RPS8: variants seen among roughly 807,000 people sequenced by gnomAD.
RPS8 encodes small ribosomal subunit protein eS8.
For synonymous variants in RPS8, 100 were observed against 100.7 expected, an observed-to-expected ratio of 0.99 and a Z score of 0.04; for missense variants, 141 against 269.7, an observed-to-expected ratio of 0.52 and a Z score of 3.34.
At chr1:44,778,432 A>G (rs1365814556) in intron 5 of RPS8, 144 bp from the exon 6 acceptor site, 1 of 820,060 alleles carries the variant, frequency 1.2e-6, no homozygotes, top group Non-Finnish European at 2.2e-6. Flanking sequence ...ACTGACAGTA[A>G]GTGAAGATAA....
chr1:44,776,969 A>C, intron 3 of RPS8, 195 bp downstream of exon 3: 1 of 511,134 alleles, frequency 2.0e-6, no homozygotes, highest in Non-Finnish European at 3.4e-6. Context: ...AAAAAGATTC[A>C]AGTGCTTTTA....
rs538975415 is a variant in RPS8 at position 44,776,204 on chromosome 1, G to C, written c.111+64G>C. 4.3e-5 allele frequency: 52 copies of C among 1,214,412 alleles called. 1 individual carries two copies. In the South Asian group the frequency reaches 7.0e-4, roughly 16 times the overall value. 75.2% of individuals were successfully genotyped at this position (1,214,412 alleles called of 1,614,324 possible). On this transcript the variant is annotated intron_variant, in intron 2 of 5. Transcript: ENST00000396651. ...CTTCCCCCGCTCTCCAGCGTGCTCG[G>C]GTCTTTCCGTGTGACAGTTGTGCGT...
rs540519197 is a variant in RPS8 at position 44,776,229 on chromosome 1, TTC to T, written c.111+91_111+92del. The T allele has an allele frequency of 2.6e-4, 244 of 934,550 alleles. No individual in the cohort carries two copies. In the African/African-American group the frequency reaches 3.8e-3, roughly 15 times the overall value. The allele number at this position is 934,550 out of a possible 1,614,324, so 57.9% of individuals were successfully genotyped here. On this transcript the variant is annotated intron_variant, in intron 2 of 5. Transcript: ENST00000396651. ...GGTCTTTCCGTGTGACAGTTGTGCGTTCTTTCTTGGGCTCTGATTTCTCTGTA... is the reference window on the plus strand; with the variant it reads ...GGTCTTTCCGTGTGACAGTTGTGCGTTTTCTTGGGCTCTGATTTCTCTGTA...
intron 4 of RPS8, 35 bp from the exon 5 acceptor site, chr1:44,777,964 CT>C: frequency 3.1e-6 from 5 of 1,612,802 alleles, no homozygotes; most frequent in Non-Finnish European, 4.2e-6. Flanking sequence ...GCCTGCCTTC[CT>C]TCCCTGAGCT....
At chr1:44,776,362 A>C in intron 2 of RPS8, 2 of 686,160 alleles carry the variant, frequency 2.9e-6, no homozygotes, top group Non-Finnish European at 5.2e-6. Context: ...TTCAGAGAGA[A>C]GGATACTGTG....
rs185950973 is a variant in RPS8, at chr1:44,777,513, T to A, written c.212-101T>A. ...TGGCTTGTAAAGGCTGAGAGTTCCC[T>A]TATTTCTCCTTAAGGCCTCATGGGG... On this transcript the variant is annotated intron_variant, in intron 3 of 5. Transcript: ENST00000396651. 4.3e-4 allele frequency: 393 copies of A among 920,090 alleles called. 1 individual carries two copies. In the African/African-American group the frequency reaches 5.5e-3, roughly 13 times the overall value. The allele number at this position is 920,090 out of a possible 1,614,324, so 57.0% of individuals were successfully genotyped here. A position where few individuals can be genotyped will look rare whatever the true frequency, so the allele number is the denominator to read the frequency against.
At chr1:44,778,400 G>A (rs371153216) in intron 5 of RPS8, 176 bp from the exon 6 acceptor site, 3 of 810,146 alleles carry the variant, frequency 3.7e-6, no homozygotes, top group Admixed American at 1.7e-5. Flanking sequence ...TCTCAGTGAT[G>A]AAAACTTTGT....
intron 2 of RPS8, 155 bp from the exon 3 acceptor site, chr1:44,776,520 G>A (rs1047093356): frequency 1.3e-6 from 1 of 776,802 alleles, no homozygotes; most frequent in Non-Finnish European, 2.3e-6. Flanking sequence ...ATCCTTAGGC[G>A]TGGTTGTGGC....
At chr1:44,776,183 C>A (rs1165627792) in intron 2 of RPS8, 43 bp downstream of exon 2, 1 of 1,401,324 alleles carries the variant, frequency 7.1e-7, no homozygotes, top group Non-Finnish European at 9.8e-7. Context: ...GGTCGCCTTC[C>A]CCCGCTCTCC....
chr1:44,777,407 T>G, intron 3 of RPS8: 1 of 572,482 alleles, frequency 1.7e-6, no homozygotes, highest in Non-Finnish European at 3.2e-6. Flanking sequence ...CCTGAGAGAT[T>G]GGGGCTGGTA....
At chr1:44,776,251 T>C in intron 2 of RPS8, 111 bp downstream of exon 2, 1 of 763,096 alleles carries the variant, frequency 1.3e-6, no homozygotes, top group African/African-American at 1.8e-5. Context: ...CTCTGATTTC[T>C]CTGTAGTAGG....
In RPS8 at chr1:44,778,061, A is replaced by G. The variant is rs1202920406; in HGVS notation, c.449A>G (p.Asp150Gly). 2 of 1,612,278 alleles carry G rather than the reference A, an allele frequency of 1.2e-6. No individual in the cohort carries two copies. Among genetic ancestry groups the G allele is most frequent in the African/African-American group, 1.3e-5 (1 of 75,060 alleles). ...TCTAAAAAAATTCAGAAGAAATATG[A>G]TGAAAGGAAAAAGAATGCCAAAATC... ...KRSKKIQKKY[D>G]ERKKNAKISS... The change falls in exon 5 of 6, where the codon GAT becomes GGT. Residue 150 changes from aspartate to glycine, a missense_variant. Asp to Gly is a moderately conservative substitution (Grantham distance 94). Coordinates refer to ENST00000396651, the MANE Select transcript of RPS8 (RefSeq NM_001012.2).
At chr1:44,778,515 G>T in intron 5 of RPS8, 61 bp from the exon 6 acceptor site, 5 of 1,330,222 alleles carry the variant, frequency 3.8e-6, no homozygotes, top group Non-Finnish European at 4.3e-6. Context: ...TCTTAAGCGG[G>T]TGGAGAGGTT....
intron 3 of RPS8, 70 bp from the exon 4 acceptor site, chr1:44,777,544 G>A: frequency 7.8e-7 from 1 of 1,277,042 alleles, no homozygotes; most frequent in Non-Finnish European, 1.1e-6. Context: ...TGGGGCTGAA[G>A]AACCTGGAGG....
chr1:44,777,512 C>A, intron 3 of RPS8, 102 bp from the exon 4 acceptor site: 1 of 914,270 alleles, frequency 1.1e-6, no homozygotes, highest in South Asian at 1.6e-5. Context: ...TGAGAGTTCC[C>A]TTATTTCTCC....
chr1:44,777,138 C>T (rs1400385632), intron 3 of RPS8: 2 of 219,068 alleles, frequency 9.1e-6, no homozygotes, highest in South Asian at 1.4e-4. Flanking sequence ...GTGGCGTGAT[C>T]TTGGTTCACT....
intron 3 of RPS8, chr1:44,777,330 C>G: frequency 5.7e-6 from 2 of 349,424 alleles, no homozygotes; most frequent in East Asian, 1.2e-4. Flanking sequence ...CTTGACCTCC[C>G]AAAGTGCTGG....
rs1465743163 is a variant in RPS8, at chr1:44,775,616, C to T, written c.4+16C>T. The T allele has an allele frequency of 2.5e-6, 4 of 1,613,968 alleles. No homozygotes were observed. Among genetic ancestry groups the T allele is most frequent in the Non-Finnish European group, 2.5e-6 (3 of 1,179,952 alleles). Reference sequence around the variant, plus strand: ...CGAGCGATGGGTGAGTGTCGCTCTGCATTGAGGCGGGTGAAGGGAGGTTGA... The same window carrying T: ...CGAGCGATGGGTGAGTGTCGCTCTGTATTGAGGCGGGTGAAGGGAGGTTGA... On this transcript the variant is annotated intron_variant, in intron 1 of 5. Coordinates refer to ENST00000396651, the MANE Select transcript of RPS8 (RefSeq NM_001012.2).
intron 5 of RPS8, 62 bp downstream of exon 5, chr1:44,778,191 T>C: frequency 6.3e-7 from 1 of 1,583,278 alleles, no homozygotes; most frequent in Non-Finnish European, 8.6e-7. Context: ...GAGGCACTTT[T>C]CCCTTGTCTC....
Sources: gnomAD v4.1 joint callset for allele counts on GRCh38, gnomAD v4.1.1 for gene constraint, MANE v1.5 for transcripts, NCBI Gene and HGNC (gene_info 2026-07-23, HGNC 2026-07-21) for gene names.